Variants in SIPA1L3 observed in about 807,000 individuals in gnomAD.
The protein encoded by SIPA1L3 is signal induced proliferation associated 1 like 3.
SIPA1L3 carries 59 observed loss-of-function variants against 150.1 expected under a neutral mutation model. The ratio of observed to expected loss-of-function variants is 0.39; its 90% CI spans 0.32 to 0.49. The LOEUF is 0.49. Ranked by LOEUF, SIPA1L3 falls within the 20% of genes least tolerant of loss-of-function variation. The probability of loss-of-function intolerance (pLI) is 0.86; values close to 1 mark genes in which losing one functional copy is unlikely to be tolerated. For synonymous variants in SIPA1L3, 1,070 were observed against 1,077.6 expected (o/e 0.99, Z 0.14); for missense variants, 2,211 against 2,489.5 (o/e 0.89, Z 2.38).
At chr19:38,183,945 G>A (rs1045999583) in intron 16 of SIPA1L3, among the ~76,000 whole-genome samples, 14 of 152,182 alleles carry the variant, frequency 9.2e-5, no homozygotes, top group African/African-American at 3.4e-4. Context: ...AGGAGAAAAG[G>A]GTGAGGCAGA....
chr19:38,150,529 CTTTTTTTT>C (rs201046693), intron 12 of SIPA1L3, among the ~76,000 whole-genome samples: 71 of 119,820 alleles, frequency 5.9e-4, no homozygotes, highest in Non-Finnish European at 7.3e-4. Context: ...AATATCAACA[CTTTTTTTT>C]TTTTTTTTTT....
At chr19:37,983,584 A>G (rs1289683890) in intron 1 of SIPA1L3, among the ~76,000 whole-genome samples, 1 of 151,966 alleles carries the variant, frequency 6.6e-6, no homozygotes, top group East Asian at 1.9e-4. Context: ...CACCTTGTGA[A>G]CCTAAGAAAC....
intron 13 of SIPA1L3, among the ~76,000 whole-genome samples, chr19:38,159,487 G>C (rs1972026429): frequency 6.6e-6 from 1 of 152,202 alleles, no homozygotes; most frequent in Non-Finnish European, 1.5e-5. Context: ...TTTGTGGGGG[G>C]TCCAGTGAGA....
In SIPA1L3 at chr19:38,081,548, C is replaced by G. The variant is rs1969979569; in HGVS notation, c.-18C>G. 2.6e-6 allele frequency: 4 copies of G among 1,559,980 alleles called. No individual in the cohort carries two copies. The Admixed American group carries it at 7.2e-5, about 28-fold the overall frequency. On this transcript the variant is annotated 5_prime_UTR_variant, in exon 3 of 22. Coordinates refer to ENST00000222345, the MANE Select transcript of SIPA1L3 (RefSeq NM_015073.3). Reference sequence around the variant, plus strand: ...ACCACAGCGTACGGGGCCAGCAGCACTCCAGTGCCCGTGGACTATGACCAC... The same window carrying G: ...ACCACAGCGTACGGGGCCAGCAGCAGTCCAGTGCCCGTGGACTATGACCAC...
At chr19:37,960,872 A>T (rs353418) in intron 1 of SIPA1L3, among the ~76,000 whole-genome samples, 45,781 of 148,256 alleles carry the variant, frequency 0.31, 8,603 homozygotes, top group East Asian at 0.68. Context: ...AAAAAAATAT[A>T]TTTTTTTTTG....
chr19:38,120,542 A>G (rs1445277589), intron 9 of SIPA1L3, among the ~76,000 whole-genome samples: 1 of 152,238 alleles, frequency 6.6e-6, no homozygotes, highest in Non-Finnish European at 1.5e-5. Flanking sequence ...AAAATGTCCA[A>G]ACCATTAATG....
At chr19:38,172,426 A>G (rs886064374) in intron 15 of SIPA1L3, among the ~76,000 whole-genome samples, 2 of 152,222 alleles carry the variant, frequency 1.3e-5, no homozygotes, top group African/African-American at 2.4e-5. Flanking sequence ...TCCTGGAGAC[A>G]GGACAAGACA....
intron 1 of SIPA1L3, among the ~76,000 whole-genome samples, chr19:37,962,648 A>G (rs1192181704): frequency 6.6e-6 from 1 of 151,572 alleles, no homozygotes; most frequent in African/African-American, 2.4e-5. Flanking sequence ...GTGTTTGGCG[A>G]GGGTGTGCAC....
At chr19:38,124,187 G>A (rs1393436090) in intron 9 of SIPA1L3, among the ~76,000 whole-genome samples, 4 of 148,814 alleles carry the variant, frequency 2.7e-5, no homozygotes, top group South Asian at 2.2e-4. Context: ...TGGGCGGAGG[G>A]TCTCCTCACT....
At chr19:37,956,739 C>T (rs938860628) in intron 1 of SIPA1L3, among the ~76,000 whole-genome samples, 12 of 152,202 alleles carry the variant, frequency 7.9e-5, no homozygotes, top group African/African-American at 2.9e-4. Context: ...CCACCTTGGC[C>T]TCCCAAAGTG....
chr19:37,928,927 G>T (rs62112285), intron 1 of SIPA1L3, among the ~76,000 whole-genome samples: 8,238 of 152,216 alleles, frequency 0.054, 257 homozygotes, highest in East Asian at 0.11. Context: ...GCCATCCATG[G>T]TGTGTCTCCT....
At chr19:37,968,479 A>ATGTGAT (rs1472375184) in intron 1 of SIPA1L3, among the ~76,000 whole-genome samples, 22 of 152,150 alleles carry the variant, frequency 1.4e-4, no homozygotes. Flanking sequence ...AAATGAAATC[A>ATGTGAT]TGTGATATAC....
Position 38,107,452 on chromosome 19 carries a change from A to C in SIPA1L3, c.2133+812A>C, listed in dbSNP as rs75101264. Among the ~76,000 whole-genome samples, 781 of 152,304 alleles carry C rather than the reference A, an allele frequency of 5.1e-3. 4 individuals carry two copies. Among genetic ancestry groups the C allele is most frequent in the Non-Finnish European group, 8.8e-3 (601 of 68,038 alleles). ...GGGATACCAGGTGGGCAGCGCCACC[A>C]AACACTCATTGCCAAGAGGCTGCAG... On this transcript the variant is annotated intron_variant, in intron 7 of 21. Transcript: ENST00000222345.
intron 1 of SIPA1L3, among the ~76,000 whole-genome samples, chr19:37,974,090 T>C (rs769913329): frequency 1.3e-5 from 2 of 152,186 alleles, no homozygotes; most frequent in Non-Finnish European, 2.9e-5. Context: ...TGATCTAACA[T>C]TGGTAACAGC....
At chr19:38,017,886 C>T (rs571767057) in intron 1 of SIPA1L3, among the ~76,000 whole-genome samples, 37 of 152,132 alleles carry the variant, frequency 2.4e-4, no homozygotes, top group Non-Finnish European at 4.7e-4. Context: ...AGGGATCTTT[C>T]AAAACTGTAA....
chr19:37,972,451 C>G (rs1327776713), intron 1 of SIPA1L3, among the ~76,000 whole-genome samples: 1 of 151,954 alleles, frequency 6.6e-6, no homozygotes, highest in Non-Finnish European at 1.5e-5. Context: ...GCCTGTAATC[C>G]CTGTGCTTTG....
At chr19:38,120,788 T>C (rs1351377621) in intron 9 of SIPA1L3, among the ~76,000 whole-genome samples, 2 of 152,246 alleles carry the variant, frequency 1.3e-5, no homozygotes, top group African/African-American at 4.8e-5. Context: ...AGCATTGTGC[T>C]GAGAAGTACT....
chr19:38,097,193 A>T (rs1970398619), intron 4 of SIPA1L3, among the ~76,000 whole-genome samples: 1 of 152,124 alleles, frequency 6.6e-6, no homozygotes, highest in Non-Finnish European at 1.5e-5. Context: ...TACAAAAAAT[A>T]TACAAAATTA....
chr19:38,021,205 T>C (rs978026035), intron 1 of SIPA1L3, among the ~76,000 whole-genome samples: 2 of 152,184 alleles, frequency 1.3e-5, no homozygotes, highest in Non-Finnish European at 2.9e-5. Context: ...AGCAGGTGTT[T>C]CAGTTAGGAA....
Sources: allele counts gnomAD v4.1 joint callset (sites outside exome capture counted in the v4.1 genomes callset), GRCh38; gene constraint gnomAD v4.1.1; transcripts MANE v1.5; gene names NCBI Gene and HGNC (gene_info 2026-07-23, HGNC 2026-07-21).